The following ARHGAP44 variants were observed in gnomAD, a reference collection of about 807,000 sequenced individuals.
ARHGAP44 encodes the protein rho GTPase-activating protein 44.
In ARHGAP44, 43 loss-of-function variants were observed where a neutral mutation model predicts 106.8. The observed-to-expected ratio is 0.40, with a 90% confidence interval of 0.32 to 0.52. The LOEUF is 0.52. Ranked by LOEUF, ARHGAP44 falls within the 20% of genes least tolerant of loss-of-function variation. The pLI is 0.48. For missense variants in ARHGAP44, 866 were observed against 1,050.5 expected (o/e 0.82, Z 2.43); for synonymous variants, 439 against 410.3 (o/e 1.07, Z -0.85).
chr17:12,910,850 G>A (rs1285426097), intron 4 of ARHGAP44, among the ~76,000 whole-genome samples: 6 of 151,962 alleles, frequency 3.9e-5, no homozygotes, highest in Admixed American at 3.9e-4. Flanking sequence ...TGTTTGAAAG[G>A]AGGATAAAGG....
intron 14 of ARHGAP44, 71 bp from the exon 15 acceptor site, chr17:12,956,584 G>A (rs2039131617): frequency 5.1e-6 from 7 of 1,371,530 alleles, no homozygotes; most frequent in Non-Finnish European, 7.2e-6. Flanking sequence ...TCTGCAGCCA[G>A]AGGACCATGG....
chr17:12,839,706 G>T (rs1005269407), intron 1 of ARHGAP44, among the ~76,000 whole-genome samples: 2 of 152,192 alleles, frequency 1.3e-5, no homozygotes, highest in African/African-American at 2.4e-5. Flanking sequence ...TTGTTAAAAT[G>T]TGAAGAATTC....
At chr17:12,959,002 C>T in intron 16 of ARHGAP44, 105 bp downstream of exon 16, 1 of 1,341,190 alleles carries the variant, frequency 7.5e-7, no homozygotes, top group South Asian at 1.3e-5. Flanking sequence ...TGCACTGACT[C>T]TCAGCAGTTT....
intron 19 of ARHGAP44, among the ~76,000 whole-genome samples, chr17:12,981,818 C>G (rs1413529413): frequency 1.3e-5 from 2 of 151,502 alleles, no homozygotes; most frequent in Admixed American, 1.3e-4. Flanking sequence ...TGAGACCAGA[C>G]TGGACAACGT....
intron 12 of ARHGAP44, among the ~76,000 whole-genome samples, chr17:12,950,241 G>A (rs754861292): frequency 1.4e-4 from 21 of 152,180 alleles, no homozygotes; most frequent in Non-Finnish European, 2.9e-4. Flanking sequence ...CAGAAAAGTA[G>A]GACAAGTGAG....
intron 1 of ARHGAP44, among the ~76,000 whole-genome samples, chr17:12,891,388 G>C (rs1221214833): frequency 4.6e-5 from 7 of 152,216 alleles, no homozygotes; most frequent in Non-Finnish European, 1.0e-4. Flanking sequence ...AGATGGAGGA[G>C]CTAGCGTCTG....
chr17:12,841,618 AC>A (rs1567642281), intron 1 of ARHGAP44, among the ~76,000 whole-genome samples: 9 of 145,254 alleles, frequency 6.2e-5, no homozygotes, highest in Admixed American at 2.0e-4. Flanking sequence ...ACACACACAC[AC>A]ACACACACAC....
At chr17:12,990,010 C>G (rs543861344) in intron 20 of ARHGAP44, 22 bp from the exon 21 acceptor site, 1 of 1,590,892 alleles carries the variant, frequency 6.3e-7, no homozygotes, top group African/African-American at 1.3e-5. Context: ...TTTCAACCAC[C>G]TCTCTCTCTG....
chr17:12,802,753 CTTTTTT>C (rs869172678), intron 1 of ARHGAP44, among the ~76,000 whole-genome samples: 9 of 108,708 alleles, frequency 8.3e-5, no homozygotes, highest in African/African-American at 1.7e-4. Flanking sequence ...TTTTTTATTT[CTTTTTT>C]TTTTTTTTTT....
intron 1 of ARHGAP44, among the ~76,000 whole-genome samples, chr17:12,840,202 T>C (rs2035351073): frequency 6.6e-6 from 1 of 152,194 alleles, no homozygotes; most frequent in South Asian, 2.1e-4. Flanking sequence ...TTATTATGTA[T>C]TGATCTGTTT....
intron 1 of ARHGAP44, among the ~76,000 whole-genome samples, chr17:12,831,410 G>T (rs1045155673): frequency 3.3e-5 from 5 of 152,186 alleles, no homozygotes; most frequent in Non-Finnish European, 7.3e-5. Flanking sequence ...ACATACTATG[G>T]CAGTAGGGAG....
rs1451432679 is a variant in ARHGAP44, at chr17:12,990,058, A to G, written c.2344A>G (p.Ile782Val). 3 of 1,610,174 alleles carry G rather than the reference A, an allele frequency of 1.9e-6. No homozygotes were observed. The highest frequency in any genetic ancestry group is 1.7e-6 in the Non-Finnish European group (2 of 1,176,854). Residue 782 changes from isoleucine to valine, a missense_variant, in exon 21 of 21, where the codon ATC becomes GTC. Coordinates refer to ENST00000379672, the MANE Select transcript of ARHGAP44 (RefSeq NM_014859.6). ...TCTTGTCCACTTTGATATTCCCTCG[A>G]TCCACATAGAGCTCGGGTCGACGCT... ...TDLVHFDIPS[I>V]HIELGSTLRL...
chr17:12,943,381 T>C (rs2038756647), intron 8 of ARHGAP44, among the ~76,000 whole-genome samples: 1 of 152,224 alleles, frequency 6.6e-6, no homozygotes, highest in South Asian at 2.1e-4. Context: ...CTGGTTCTCC[T>C]GCTTCCCAAG....
chr17:12,870,260 G>A (rs1455145804), intron 1 of ARHGAP44, among the ~76,000 whole-genome samples: 1 of 151,954 alleles, frequency 6.6e-6, no homozygotes, highest in Non-Finnish European at 1.5e-5. Context: ...ATGTTCCCCA[G>A]GCTATTCTTG....
At chr17:12,868,443 A>C (rs914351340) in intron 1 of ARHGAP44, among the ~76,000 whole-genome samples, 1 of 151,670 alleles carries the variant, frequency 6.6e-6, no homozygotes, top group East Asian at 1.9e-4. Flanking sequence ...AATCAAATAA[A>C]ACCAAAACCA....
chr17:12,981,373 G>T (rs1477155054), intron 19 of ARHGAP44, among the ~76,000 whole-genome samples: 2 of 151,544 alleles, frequency 1.3e-5, no homozygotes, highest in Non-Finnish European at 2.9e-5. Context: ...TTTCTCCTTG[G>T]TCTAGATGCC....
chr17:12,842,983 G>A lies in ARHGAP44; in HGVS notation c.54-51957G>A, dbSNP rs189356341. Among the ~76,000 whole-genome samples the A allele has an allele frequency of 3.9e-5, 6 of 152,182 alleles. No homozygotes were observed. In the East Asian group the frequency reaches 1.2e-3, roughly 29 times the overall value. On this transcript the variant is annotated intron_variant, in intron 1 of 20. Coordinates refer to ENST00000379672, the MANE Select transcript of ARHGAP44 (RefSeq NM_014859.6). ...CCTAACTCCAAGGCTTTGCTGAAGC[G>A]GCCATCCTTATATGCTGAGGCTGGG...
chr17:12,835,048 A>G lies in ARHGAP44; in HGVS notation c.53+45157A>G, dbSNP rs143500444. Reference sequence around the variant, plus strand: ...GTCTGAAAAACCAAATGCATTTTTAATTCATCCGAATAATCTTGCATTAGA... The same window carrying G: ...GTCTGAAAAACCAAATGCATTTTTAGTTCATCCGAATAATCTTGCATTAGA... On this transcript the variant is annotated intron_variant, in intron 1 of 20. Transcript: ENST00000379672. 4.5e-3 allele frequency among the ~76,000 whole-genome samples: 690 copies of G among 152,308 alleles called. 5 individuals are homozygous for G. The highest frequency in any genetic ancestry group is 0.016 in the African/African-American group (658 of 41,568).
intron 20 of ARHGAP44, chr17:12,986,994 C>T: frequency 9.6e-7 from 1 of 1,046,150 alleles, no homozygotes; most frequent in Non-Finnish European, 1.4e-6. Context: ...TTGATGTGGC[C>T]CGTCTGGGAC....
Sources: gnomAD v4.1 joint callset for allele counts (sites outside exome capture counted in the v4.1 genomes callset) on GRCh38, gnomAD v4.1.1 for gene constraint, MANE v1.5 for transcripts, NCBI Gene and HGNC (gene_info 2026-07-23, HGNC 2026-07-21) for gene names.